The following DNAJC13 variants were observed in gnomAD, a reference collection of about 807,000 sequenced individuals.
DNAJC13 encodes the protein dnaJ homolog subfamily C member 13.
In DNAJC13, 75 loss-of-function variants were observed where a neutral mutation model predicts 290.5. The observed-to-expected ratio is 0.26, with a 90% confidence interval of 0.21 to 0.31. DNAJC13 has a LOEUF of 0.31. Among genes scored for constraint, DNAJC13 ranks in the 10% least tolerant of loss-of-function variants. The probability of loss-of-function intolerance (pLI) is 1.00; values close to 1 mark genes in which losing one functional copy is unlikely to be tolerated. For missense variants in DNAJC13, 2,260 were observed against 2,674.5 expected, an observed-to-expected ratio of 0.85 and a Z score of 3.42; for synonymous variants, 862 against 892.0, an observed-to-expected ratio of 0.97 and a Z score of 0.60.
At chr3:132,453,757 C>G (rs1027206185) in intron 8 of DNAJC13, 63 bp downstream of exon 8, 2 of 1,408,192 alleles carry the variant, frequency 1.4e-6, no homozygotes, top group East Asian at 4.6e-5. Flanking sequence ...GGATAATTTT[C>G]TTTCTATTTT....
chr3:132,448,399 G>A (rs1198908584), intron 5 of DNAJC13, among the ~76,000 whole-genome samples: 1 of 152,108 alleles, frequency 6.6e-6, no homozygotes, highest in Non-Finnish European at 1.5e-5. Flanking sequence ...CTGAAGCTTG[G>A]CATGGTGCAC....
intron 20 of DNAJC13, among the ~76,000 whole-genome samples, chr3:132,470,991 G>A (rs1251968856): frequency 5.1e-3 from 419 of 82,874 alleles, no homozygotes; most frequent in Non-Finnish European, 5.0e-3. Flanking sequence ...CTCACCTCCC[G>A]GACGGGGCGG....
At chr3:132,531,666 G>A (rs562534538) in intron 55 of DNAJC13, among the ~76,000 whole-genome samples, 2 of 152,064 alleles carry the variant, frequency 1.3e-5, no homozygotes, top group East Asian at 3.9e-4. Flanking sequence ...GCGTGGTGGC[G>A]GGCACCTGTA....
At position 132,447,369 on chromosome 3, in the gene DNAJC13, G is replaced by C. The variant is rs777535552; in HGVS notation, c.193G>C (p.Gly65Arg). 1 of 1,604,252 alleles carries C rather than the reference G, an allele frequency of 6.2e-7. No individual in the cohort carries two copies. Among genetic ancestry groups the C allele is most frequent in the Non-Finnish European group, 8.5e-7 (1 of 1,176,346 alleles). Residue 65 changes from glycine to arginine, a missense_variant, in exon 4 of 56, where the codon GGA becomes CGA. Transcript: ENST00000260818. ...CSISPVGKGQ[G>R]TEFNLTFRKG... is the part of the protein sequence containing the mutation. Reference sequence around the variant, plus strand: ...CATCAGCCCTGTTGGAAAAGGACAAGGAACGGAGTTCAACCTCACATTTCG... The same window carrying C: ...CATCAGCCCTGTTGGAAAAGGACAACGAACGGAGTTCAACCTCACATTTCG...
chr3:132,531,754 G>A (rs889861897), intron 55 of DNAJC13, among the ~76,000 whole-genome samples: 13 of 150,862 alleles, frequency 8.6e-5, no homozygotes, highest in African/African-American at 2.4e-4. Flanking sequence ...CCAAGATTGC[G>A]CCACTGCACT....
At chr3:132,488,240 C>T in intron 29 of DNAJC13, 58 bp from the exon 30 acceptor site, 4 of 1,482,002 alleles carry the variant, frequency 2.7e-6, no homozygotes, top group Non-Finnish European at 3.6e-6. Flanking sequence ...AATAAAAAAC[C>T]TAAAGTGATG....
chr3:132,532,105 C>T (rs1038380621), intron 55 of DNAJC13, among the ~76,000 whole-genome samples: 1 of 152,188 alleles, frequency 6.6e-6, no homozygotes, highest in South Asian at 2.1e-4. Context: ...GAATATGAGG[C>T]GGTTCTTGCT....
chr3:132,481,864 A>G (rs1199557231), intron 26 of DNAJC13, among the ~76,000 whole-genome samples: 1 of 152,190 alleles, frequency 6.6e-6, no homozygotes, highest in Admixed American at 6.5e-5. Flanking sequence ...AAGATTAATG[A>G]TACGTATCTA....
chr3:132,479,302 C>T lies in DNAJC13; in HGVS notation c.2772+13C>T, dbSNP rs1368616972. On this transcript the variant is annotated intron_variant, in intron 25 of 55. Coordinates refer to ENST00000260818, the MANE Select transcript of DNAJC13 (RefSeq NM_015268.4). Reference sequence around the variant, plus strand: ...GATCCTTAATAAGGTACAGTAGTTTCGCATACATACATTGTTATTTCCAAG... The same window carrying T: ...GATCCTTAATAAGGTACAGTAGTTTTGCATACATACATTGTTATTTCCAAG... The T allele has an allele frequency of 1.9e-6, 3 of 1,543,188 alleles. No individual in the cohort carries two copies. Among genetic ancestry groups the T allele is most frequent in the East Asian group, 2.3e-5 (1 of 44,180 alleles).
intron 55 of DNAJC13, among the ~76,000 whole-genome samples, chr3:132,532,116 G>A (rs947283846): frequency 6.6e-6 from 1 of 152,116 alleles, no homozygotes; most frequent in Non-Finnish European, 1.5e-5. Flanking sequence ...GGTTCTTGCT[G>A]TCTGCCTGAA....
chr3:132,441,610 A>T (rs1376837966), intron 2 of DNAJC13, among the ~76,000 whole-genome samples: 1 of 152,224 alleles, frequency 6.6e-6, no homozygotes, highest in African/African-American at 2.4e-5. Context: ...ATTATTTTAT[A>T]GTAAACGTAA....
chr3:132,538,445 T>C lies in DNAJC13; in HGVS notation c.*163T>C. ...TAGGAAAAAAAGTCAGTGATCCTAA[T>C]TGTATCACATTATAAGAAAGCACTC... On this transcript the variant is annotated 3_prime_UTR_variant, in exon 56 of 56. Transcript: ENST00000260818. 1.7e-6 allele frequency: 1 copy of C among 571,558 alleles called. No homozygotes were observed. Among genetic ancestry groups the C allele is most frequent in the East Asian group, 3.0e-5 (1 of 33,840 alleles). The allele number at this position is 571,558 out of a possible 1,614,324, so 35.4% of individuals were successfully genotyped here.
At chr3:132,528,428 T>C (rs766876181) in intron 54 of DNAJC13, 96 bp downstream of exon 54, 9 of 1,419,298 alleles carry the variant, frequency 6.3e-6, no homozygotes, top group Non-Finnish European at 8.6e-6. Flanking sequence ...CTTACAGATA[T>C]GGTTCTGTTG....
intron 9 of DNAJC13, among the ~76,000 whole-genome samples, chr3:132,456,029 TTAAG>T (rs1311932936): frequency 2.0e-5 from 3 of 152,174 alleles, no homozygotes; most frequent in African/African-American, 4.8e-5. Flanking sequence ...AAATTAGTGT[TTAAG>T]TAACTTGTAC....
intron 4 of DNAJC13, 119 bp downstream of exon 4, chr3:132,447,589 T>C: frequency 2.8e-6 from 3 of 1,069,932 alleles, no homozygotes; most frequent in Non-Finnish European, 3.8e-6. Flanking sequence ...ATTATTTTTT[T>C]CTTACTGACC....
At chr3:132,499,676 AGG>A (rs1486349732) in intron 37 of DNAJC13, 56 bp from the exon 38 acceptor site, 3 of 1,405,720 alleles carry the variant, frequency 2.1e-6, no homozygotes, top group Non-Finnish European at 3.0e-6. Flanking sequence ...CTGCTAGAAA[AGG>A]CCTTTCAGAC....
At chr3:132,463,642 G>T in intron 16 of DNAJC13, 54 bp from the exon 17 acceptor site, 4 of 1,528,266 alleles carry the variant, frequency 2.6e-6, no homozygotes, top group East Asian at 2.3e-5. Context: ...TTTAAAGTTT[G>T]GATAGCTTGT....
Position 132,492,330 on chromosome 3 carries a change from A to G in DNAJC13, c.3624-84A>G. ...GAGTTATTCTATAGATGATTCATGT[A>G]ACTATCTTACATGATTATGTATCTC... On this transcript the variant is annotated intron_variant, in intron 32 of 55. Coordinates refer to ENST00000260818, the MANE Select transcript of DNAJC13 (RefSeq NM_015268.4). The G allele has an allele frequency of 2.2e-6, 3 of 1,339,020 alleles. No individual in the cohort carries two copies. The South Asian group carries it at 3.8e-5, about 17-fold the overall frequency. 82.9% of individuals were successfully genotyped at this position (1,339,020 alleles called of 1,614,324 possible).
Position 132,499,754 on chromosome 3 carries a change from T to C in DNAJC13, c.4362T>C (p.Ser1454=). ...TGCAGGTGTTACAAGAGGCATTTAG[T>C]CGCTGTGTGGCTGTCTTGACTCGTG... ...NGLEVLQEAF[S]RCVAVLTRAS... Residue 1454 remains serine (S), a synonymous_variant, in exon 38 of 56, where the codon AGT becomes AGC. Transcript: ENST00000260818. 1 of 1,614,198 alleles carries C rather than the reference T, an allele frequency of 6.2e-7. No individual in the cohort carries two copies. The highest frequency in any genetic ancestry group is 8.5e-7 in the Non-Finnish European group (1 of 1,180,028).
Sources: allele counts gnomAD v4.1 joint callset (sites outside exome capture counted in the v4.1 genomes callset), GRCh38; gene constraint gnomAD v4.1.1; transcripts MANE v1.5; gene names NCBI Gene and HGNC (gene_info 2026-07-23, HGNC 2026-07-21).